The following ZRANB3 variants were observed in gnomAD, a reference collection of about 807,000 sequenced individuals.
ZRANB3 encodes DNA annealing helicase and endonuclease ZRANB3.
A neutral mutation model predicts 133.8 loss-of-function variants in ZRANB3; 125 were observed. The observed-to-expected ratio is 0.93, with a 90% CI of 0.81 to 1.08. ZRANB3 has a LOEUF of 1.08. ZRANB3 is among the 50% of genes least tolerant of loss of function. The pLI is 0.00. For synonymous variants in ZRANB3, 387 were observed against 432.7 expected, an observed-to-expected ratio of 0.89 and a Z score of 1.31; for missense variants, 1,229 against 1,275.5, an observed-to-expected ratio of 0.96 and a Z score of 0.56.
At chr2:135,242,800 A>G (rs1695609671) in intron 12 of ZRANB3, among the ~76,000 whole-genome samples, 2 of 151,686 alleles carry the variant, frequency 1.3e-5, no homozygotes, top group Non-Finnish European at 2.9e-5. Flanking sequence ...TTATTTAATT[A>G]TTAATTTCTG....
chr2:135,431,073 G>GA (rs1689298106), intron 2 of ZRANB3, among the ~76,000 whole-genome samples: 1 of 151,288 alleles, frequency 6.6e-6, no homozygotes, highest in African/African-American at 2.4e-5. Flanking sequence ...CCAGGAGCTT[G>GA]AGGCCAGCCT....
chr2:135,269,014 A>C lies in ZRANB3; in HGVS notation c.1334T>G (p.Leu445Arg), dbSNP rs1022088802. ...GGTGTCTAGGGTTCCATTTGCAATA[A>C]GGTAGTGAATATTCACAGAACTGCA... ...GQCSSVNIHY[L>R]IANGTLDTLM... Residue 445 changes from leucine to arginine, a missense_variant, in exon 11 of 21, where the codon CTT (leucine) becomes CGT (arginine). Physicochemically the swap from Leu to Arg is moderately radical, Grantham distance 102 (BLOSUM62 -2). Coordinates refer to ENST00000264159, the MANE Select transcript of ZRANB3 (RefSeq NM_032143.4). The C allele has an allele frequency of 6.2e-7, 1 of 1,611,488 alleles. No homozygotes were observed. Among genetic ancestry groups the C allele is most frequent in the Non-Finnish European group, 8.5e-7 (1 of 1,179,252 alleles).
chr2:135,217,998 T>A (rs1343368414), intron 16 of ZRANB3, among the ~76,000 whole-genome samples: 1 of 152,070 alleles, frequency 6.6e-6, no homozygotes, highest in African/African-American at 2.4e-5. Context: ...TTTTCTGTAG[T>A]GACAGGGTCT....
chr2:135,409,631 C>T (rs2104952334), intron 2 of ZRANB3, among the ~76,000 whole-genome samples: 1 of 152,108 alleles, frequency 6.6e-6, no homozygotes, highest in East Asian at 1.9e-4. Context: ...CTGGAAGTCC[C>T]AGCCAGAGGA....
intron 8 of ZRANB3, among the ~76,000 whole-genome samples, chr2:135,304,813 A>G (rs1463097486): frequency 6.6e-6 from 1 of 152,116 alleles, no homozygotes; most frequent in African/African-American, 2.4e-5. Context: ...TTCTTGACAT[A>G]AAGTTGTTAA....
At chr2:135,236,893 G>A (rs1695311573) in intron 12 of ZRANB3, among the ~76,000 whole-genome samples, 2 of 152,204 alleles carry the variant, frequency 1.3e-5, no homozygotes, top group Non-Finnish European at 2.9e-5. Flanking sequence ...AGGACTTCAT[G>A]TCTAAAACAC....
At chr2:135,303,904 ATC>A (rs1682561588) in intron 8 of ZRANB3, among the ~76,000 whole-genome samples, 1 of 152,188 alleles carries the variant, frequency 6.6e-6, no homozygotes, top group Admixed American at 6.5e-5. Flanking sequence ...GCTATTTCAA[ATC>A]GTATTTTTAA....
intron 1 of ZRANB3, chr2:135,510,674 C>G: frequency 1.3e-6 from 1 of 789,526 alleles, no homozygotes; most frequent in Non-Finnish European, 2.3e-6. Flanking sequence ...AGGCGATCAT[C>G]TCGTCAGTCC....
chr2:135,269,795 G>C (rs1680424754), intron 10 of ZRANB3, among the ~76,000 whole-genome samples: 1 of 152,122 alleles, frequency 6.6e-6, no homozygotes, highest in Admixed American at 6.5e-5. Flanking sequence ...ACTAAAAAAT[G>C]TGTCCAAAAA....
rs1255552045 is a variant in ZRANB3, at chr2:135,275,656, C to T, written c.1066G>A (p.Glu356Lys). ...CATACCTTATTTTCGATGACTGCTT[C>T]TGTGCAAGCTTGGAGCATGCTTAAA... ...HHLSMLQACT[E>K]AVIENKTRYI... Residue 356 changes from glutamate (E) to lysine (K), a missense_variant, in exon 9 of 21, where the codon GAA becomes AAA. Physicochemically the swap from Glu to Lys is moderately conservative, Grantham distance 56. Coordinates refer to ENST00000264159, the MANE Select transcript of ZRANB3 (RefSeq NM_032143.4). 6.3e-7 allele frequency: 1 copy of T among 1,590,636 alleles called. No homozygotes were observed. The highest frequency in any genetic ancestry group is 1.8e-5 in the Admixed American group (1 of 55,798).
intron 11 of ZRANB3, among the ~76,000 whole-genome samples, chr2:135,266,091 C>G (rs1680232482): frequency 6.6e-6 from 1 of 152,104 alleles, no homozygotes; most frequent in Non-Finnish European, 1.5e-5. Flanking sequence ...CGCCTGTGAT[C>G]CCAGCTCCTT....
intron 2 of ZRANB3, among the ~76,000 whole-genome samples, chr2:135,451,177 C>T (rs72986430): frequency 0.19 from 28,560 of 152,116 alleles, 3,572 homozygotes; most frequent in South Asian, 0.33. Flanking sequence ...AGTAAACTAG[C>T]TATGTCCTAG....
At chr2:135,279,230 CT>C (rs1420466460) in intron 8 of ZRANB3, among the ~76,000 whole-genome samples, 1 of 152,144 alleles carries the variant, frequency 6.6e-6, no homozygotes, top group East Asian at 1.9e-4. Context: ...CATTTCAAAA[CT>C]GAAAAATACC....
chr2:135,272,513 A>G (rs1680576037), intron 9 of ZRANB3, among the ~76,000 whole-genome samples: 1 of 145,532 alleles, frequency 6.9e-6, no homozygotes, highest in Admixed American at 7.1e-5. Context: ...CTCCGGGTTC[A>G]CGCCATTTTC....
chr2:135,466,298 G>A (rs761746114), intron 2 of ZRANB3, among the ~76,000 whole-genome samples: 49 of 144,080 alleles, frequency 3.4e-4, no homozygotes, highest in Non-Finnish European at 6.5e-4. Flanking sequence ...CAGGAGAATA[G>A]CTTGAACCCG....
chr2:135,511,144 C>T, intron 1 of ZRANB3: 2 of 774,262 alleles, frequency 2.6e-6, no homozygotes, highest in South Asian at 1.4e-5. Flanking sequence ...ATCCCAGTAA[C>T]TGGAACAGCT....
chr2:135,504,457 A>G lies in ZRANB3; in HGVS notation c.33T>C (p.Leu11=), dbSNP rs1396596687. MPRVHNIKKS[L]TPHISCVTNE... is the part of the protein sequence containing the mutation. Reference sequence around the variant, plus strand: ...TTGTCACACAAGAAATGTGAGGTGTAAGAGACTTTTTTATGTTATGAACCC... The same window carrying G: ...TTGTCACACAAGAAATGTGAGGTGTGAGAGACTTTTTTATGTTATGAACCC... Residue 11 remains leucine (L), a synonymous_variant, in exon 2 of 21, where the codon CTT becomes CTC. Coordinates refer to ENST00000264159, the MANE Select transcript of ZRANB3 (RefSeq NM_032143.4). 7.4e-6 allele frequency: 12 copies of G among 1,613,412 alleles called. No individual in the cohort carries two copies. The highest frequency in any genetic ancestry group is 9.3e-6 in the Non-Finnish European group (11 of 1,179,676).
At chr2:135,512,353 A>T (rs1190927424) in intron 1 of ZRANB3, among the ~76,000 whole-genome samples, 2 of 152,240 alleles carry the variant, frequency 1.3e-5, no homozygotes, top group Admixed American at 1.3e-4. Context: ...AGATATTGTT[A>T]AAATACACTA....
At chr2:135,518,702 A>G (rs1180823783) in intron 1 of ZRANB3, among the ~76,000 whole-genome samples, 54 of 152,298 alleles carry the variant, frequency 3.5e-4, no homozygotes, top group Non-Finnish European at 2.9e-5. Context: ...GTTCCTATTC[A>G]GCCATCTTGC....
Sources: gnomAD v4.1 joint callset for allele counts (sites outside exome capture counted in the v4.1 genomes callset) on GRCh38, gnomAD v4.1.1 for gene constraint, MANE v1.5 for transcripts, NCBI Gene and HGNC (gene_info 2026-07-23, HGNC 2026-07-21) for gene names.